The following FOXP1 variants were observed in gnomAD, a reference collection of about 807,000 sequenced individuals.
The protein encoded by FOXP1 is forkhead box P1.
FOXP1 carries 15 observed loss-of-function variants against 98.2 expected under a neutral mutation model. The observed-to-expected ratio is 0.15, with a 90% CI of 0.10 to 0.24. FOXP1 has a LOEUF of 0.24. Ranked by LOEUF, FOXP1 falls within the 10% of genes least tolerant of loss-of-function variation. The pLI, the probability that FOXP1 is intolerant of heterozygous loss-of-function variation, is 1.00. For missense variants in FOXP1, 633 were observed against 848.5 expected (o/e 0.75, Z 3.15); for synonymous variants, 371 against 314.5 (o/e 1.18, Z -1.90).
At chr3:71,582,344 G>A (rs1461990856) in intron 1 of FOXP1, 6 of 968,018 alleles carry the variant, frequency 6.2e-6, no homozygotes, top group Non-Finnish European at 4.9e-6. Flanking sequence ...CCGCGACCCC[G>A]CGGCAACTGG....
intron 4 of FOXP1, among the ~76,000 whole-genome samples, chr3:71,315,165 T>C (rs1576931482): frequency 1.3e-5 from 2 of 151,368 alleles, no homozygotes; most frequent in East Asian, 3.9e-4. Context: ...CAAGCCCCTT[T>C]ATATGAACCA....
intron 4 of FOXP1, among the ~76,000 whole-genome samples, chr3:71,320,236 C>G (rs2075311609): frequency 1.3e-5 from 2 of 152,042 alleles, no homozygotes; most frequent in African/African-American, 4.8e-5. Context: ...CATCCCATCC[C>G]AGCTGAACAA....
intron 16 of FOXP1, 102 bp downstream of exon 16, chr3:70,977,540 GC>G: frequency 1.0e-6 from 1 of 959,044 alleles, no homozygotes; most frequent in Non-Finnish European, 1.7e-6. Context: ...AAAGGTTTCA[GC>G]ATGCTTGCAT....
chr3:70,967,926 C>T (rs955154860), intron 19 of FOXP1, among the ~76,000 whole-genome samples: 1 of 151,984 alleles, frequency 6.6e-6, no homozygotes, highest in Non-Finnish European at 1.5e-5. Context: ...ATTTTAGCAG[C>T]TTCCCTGGTC....
At chr3:71,021,198 A>C (rs1429522893) in intron 11 of FOXP1, among the ~76,000 whole-genome samples, 2 of 152,006 alleles carry the variant, frequency 1.3e-5, no homozygotes, top group Non-Finnish European at 2.9e-5. Context: ...GTCATTCCCC[A>C]TTTCCTCCCA....
chr3:71,319,881 G>A (rs966941297), intron 4 of FOXP1, among the ~76,000 whole-genome samples: 1 of 152,056 alleles, frequency 6.6e-6, no homozygotes, highest in Non-Finnish European at 1.5e-5. Context: ...ACCACCACAC[G>A]CCTAGCCAAT....
chr3:70,973,835 G>GCCCCCCCCCCCCCC (rs56950015), intron 17 of FOXP1, among the ~76,000 whole-genome samples: 35 of 36,686 alleles, frequency 9.5e-4, no homozygotes, highest in East Asian at 1.4e-3. Context: ...TTTGCACACC[G>GCCCCCCCCCCCCCC]CCCCCCCCCC....
intron 11 of FOXP1, among the ~76,000 whole-genome samples, chr3:71,030,805 T>A (rs1177768309): frequency 6.6e-6 from 1 of 152,238 alleles, no homozygotes; most frequent in East Asian, 1.9e-4. Flanking sequence ...GGTGTCAATT[T>A]TTTTCTAATT....
chr3:71,390,958 T>G (rs182870318), intron 3 of FOXP1, among the ~76,000 whole-genome samples: 1 of 152,312 alleles, frequency 6.6e-6, no homozygotes, highest in East Asian at 1.9e-4. Context: ...GCAAAATCCT[T>G]TTCAAAGTAA....
chr3:71,198,473 G>A lies in FOXP1; in HGVS notation c.-11-81C>T. The A allele has an allele frequency of 2.4e-6, 3 of 1,241,112 alleles. No individual in the cohort carries two copies. In the South Asian group the frequency reaches 3.6e-5, roughly 15 times the overall value. 76.9% of individuals were successfully genotyped at this position (1,241,112 alleles called of 1,614,324 possible). On this transcript the variant is annotated intron_variant, in intron 5 of 20. Coordinates refer to ENST00000649528, the MANE Select transcript of FOXP1 (RefSeq NM_001349338.3). ...CTGTTAAAGCAGTTGTTGTGCATAA[G>A]GAGAAGGGCCTTGGTTTAAATGTTG...
chr3:71,407,941 C>T (rs762305239), intron 3 of FOXP1, among the ~76,000 whole-genome samples: 1 of 152,154 alleles, frequency 6.6e-6, no homozygotes, highest in African/African-American at 2.4e-5. Context: ...TCCCATTCTT[C>T]ATGTTCCCTG....
intron 5 of FOXP1, among the ~76,000 whole-genome samples, chr3:71,277,642 C>T (rs888436815): frequency 6.6e-6 from 1 of 152,016 alleles, no homozygotes; most frequent in Non-Finnish European, 1.5e-5. Context: ...TTCAAGCATG[C>T]CAAGTTCACT....
intron 5 of FOXP1, among the ~76,000 whole-genome samples, chr3:71,279,270 T>C (rs546250339): frequency 6.7e-6 from 1 of 149,964 alleles, no homozygotes; most frequent in Admixed American, 6.6e-5. Context: ...TATAAATCAA[T>C]ACATGTTTAT....
chr3:71,108,415 T>C (rs2057623927), intron 7 of FOXP1, among the ~76,000 whole-genome samples: 3 of 152,348 alleles, frequency 2.0e-5, no homozygotes, highest in South Asian at 4.1e-4. Context: ...ACACCTGCAC[T>C]GTTAAGCATT....
chr3:71,007,095 A>G (rs1452357722), intron 12 of FOXP1, among the ~76,000 whole-genome samples: 1 of 152,196 alleles, frequency 6.6e-6, no homozygotes, highest in Non-Finnish European at 1.5e-5. Context: ...AAAGGTTAAA[A>G]AAGACATTAA....
At position 70,957,496 on chromosome 3, in the gene FOXP1, A is replaced by C; in HGVS notation, c.*1751T>G. On this transcript the variant is annotated 3_prime_UTR_variant, in exon 21 of 21. Coordinates refer to ENST00000649528, the MANE Select transcript of FOXP1 (RefSeq NM_001349338.3). ...AAGCATAAAACAGAGAACATAATTT[A>C]CCTTTGTGTAATATCTTTGGTAATT... 1 of 230,874 alleles carries C rather than the reference A, an allele frequency of 4.3e-6. No homozygotes were observed. The highest frequency in any genetic ancestry group is 8.6e-6 in the Non-Finnish European group (1 of 116,362). The allele number at this position is 230,874 out of a possible 1,614,324, so 14.3% of individuals were successfully genotyped here. A position where few individuals can be genotyped will look rare whatever the true frequency, so the allele number is the denominator to read the frequency against.
At chr3:71,429,551 T>C (rs1010592493) in intron 3 of FOXP1, among the ~76,000 whole-genome samples, 1 of 151,858 alleles carries the variant, frequency 6.6e-6, no homozygotes, top group African/African-American at 2.4e-5. Context: ...GCAGAAAATA[T>C]TGAAATAGAA....
intron 2 of FOXP1, among the ~76,000 whole-genome samples, chr3:71,549,152 T>C (rs2045584751): frequency 6.6e-6 from 1 of 152,182 alleles, no homozygotes; most frequent in Admixed American, 6.5e-5. Context: ...TAATGAGACT[T>C]ATGCACTGAC....
At chr3:71,482,819 A>G (rs1008180878) in intron 3 of FOXP1, among the ~76,000 whole-genome samples, 5 of 151,600 alleles carry the variant, frequency 3.3e-5, no homozygotes, top group African/African-American at 9.7e-5. Context: ...GGAAGAGACT[A>G]TAGTTCTTAT....
Sources: gnomAD v4.1 joint callset for allele counts (sites outside exome capture counted in the v4.1 genomes callset) on GRCh38, gnomAD v4.1.1 for gene constraint, MANE v1.5 for transcripts, NCBI Gene and HGNC (gene_info 2026-07-23, HGNC 2026-07-21) for gene names.